The following SLC39A12 variants were observed in gnomAD, a reference collection of about 807,000 sequenced individuals.
The protein encoded by SLC39A12 is zinc transporter ZIP12.
SLC39A12 carries 63 observed loss-of-function variants against 71.1 expected under a neutral mutation model. The ratio of observed to expected loss-of-function variants is 0.89; its 90% confidence interval spans 0.72 to 1.09. SLC39A12 has a LOEUF of 1.09. SLC39A12 is among the 50% of genes least tolerant of loss of function. The pLI is 0.00. For missense variants in SLC39A12, 892 were observed against 812.6 expected (o/e 1.10, Z -1.19); for synonymous variants, 351 against 301.3 (o/e 1.16, Z -1.71).
intron 2 of SLC39A12, among the ~76,000 whole-genome samples, chr10:17,960,127 T>C (rs1466346406): frequency 2.0e-5 from 3 of 152,106 alleles, no homozygotes; most frequent in African/African-American, 7.2e-5. Context: ...AGATGGTAAA[T>C]TGTGGGAAAG....
intron 5 of SLC39A12, among the ~76,000 whole-genome samples, chr10:17,978,534 A>G (rs1298246121): frequency 6.6e-6 from 1 of 152,214 alleles, no homozygotes; most frequent in Non-Finnish European, 1.5e-5. Flanking sequence ...ACTGCAGGTG[A>G]CAAGAGTTGA....
At chr10:18,028,704 G>C (rs923958511) in intron 12 of SLC39A12, among the ~76,000 whole-genome samples, 16 of 152,154 alleles carry the variant, frequency 1.1e-4, no homozygotes, top group South Asian at 2.1e-4. Flanking sequence ...ATTGACTCAA[G>C]TTTAAAACAT....
At chr10:17,985,553 T>C (rs1239881194) in intron 6 of SLC39A12, among the ~76,000 whole-genome samples, 3 of 152,186 alleles carry the variant, frequency 2.0e-5, no homozygotes, top group African/African-American at 7.2e-5. Flanking sequence ...AAAGTGGTAG[T>C]TTAATTTCAT....
rs1250123971 is a variant in SLC39A12, at chr10:18,003,185, C to T, written c.1774C>T (p.Leu592Phe). ...TTAAACTTCAGGAGACTTTGCCGTG[C>T]TCTTAAGCTCTGGACTTTCTATGAA... ...IPHEMGDFAVLLSSGLSMKTA... is the reference protein window; with the variant it reads ...IPHEMGDFAVFLSSGLSMKTA... The change falls in exon 12 of 13, where the codon CTC becomes TTC. Residue 592 changes from leucine to phenylalanine, a missense_variant. Coordinates refer to ENST00000377369, the MANE Select transcript of SLC39A12 (RefSeq NM_001145195.2). 6 of 1,613,392 alleles carry T rather than the reference C, an allele frequency of 3.7e-6. No homozygotes were observed. The African/African-American group carries it at 6.7e-5, about 18-fold the overall frequency.
intron 12 of SLC39A12, among the ~76,000 whole-genome samples, chr10:18,030,259 CT>C (rs1836801291): frequency 6.6e-6 from 1 of 151,240 alleles, no homozygotes; most frequent in African/African-American, 2.4e-5. Context: ...CAAACTTAGT[CT>C]TTTCTTTCTT....
At chr10:17,973,820 T>G (rs1269814527) in intron 4 of SLC39A12, among the ~76,000 whole-genome samples, 1 of 151,826 alleles carries the variant, frequency 6.6e-6, no homozygotes, top group Non-Finnish European at 1.5e-5. Flanking sequence ...TTGAATAAAC[T>G]TTCTACCCCT....
At position 17,961,561 on chromosome 10, in the gene SLC39A12, GTTA is replaced by G; in HGVS notation, c.262-17_262-15del. 6.3e-7 allele frequency: 1 copy of G among 1,589,604 alleles called. No homozygotes were observed. The highest frequency in any genetic ancestry group is 1.4e-5 in the African/African-American group (1 of 73,328). ...GCTAAGCTTTGTTTCTTTTGTTGTT[GTTA>G]TTGTTTTCTTCCACAGTGCTTTGAA... On this transcript the variant is annotated splice_polypyrimidine_tract_variant and intron_variant, in intron 2 of 12. Coordinates refer to ENST00000377369, the MANE Select transcript of SLC39A12 (RefSeq NM_001145195.2).
At chr10:18,039,176 A>G (rs11012330) in intron 12 of SLC39A12, among the ~76,000 whole-genome samples, 19,320 of 152,238 alleles carry the variant, frequency 0.13, 2,220 homozygotes, top group African/African-American at 0.3. Context: ...TAATTCAGCC[A>G]TGTTTTACAA....
At chr10:17,991,091 A>C in intron 7 of SLC39A12, 60 bp from the exon 8 acceptor site, 1 of 1,470,258 alleles carries the variant, frequency 6.8e-7, no homozygotes. Context: ...TTAATAGTTA[A>C]GTCATCAAGA....
At chr10:17,980,854 T>A (rs762031873) in intron 5 of SLC39A12, among the ~76,000 whole-genome samples, 17 of 152,182 alleles carry the variant, frequency 1.1e-4, no homozygotes, top group Non-Finnish European at 2.4e-4. Flanking sequence ...CTTTTAAAAG[T>A]ACACGTTGCC....
intron 7 of SLC39A12, among the ~76,000 whole-genome samples, 191 bp downstream of exon 7, chr10:17,987,842 T>C (rs1297398364): frequency 6.6e-6 from 1 of 152,054 alleles, no homozygotes; most frequent in Admixed American, 6.5e-5. Flanking sequence ...GCCCCAACAT[T>C]AGGCTCGCCA....
chr10:17,985,626 G>A (rs1360081897), intron 6 of SLC39A12, among the ~76,000 whole-genome samples: 1 of 151,974 alleles, frequency 6.6e-6, no homozygotes, highest in Non-Finnish European at 1.5e-5. Context: ...TTCTAAATAG[G>A]TAGAGAAATA....
intron 4 of SLC39A12, among the ~76,000 whole-genome samples, chr10:17,967,839 T>A (rs2130788510): frequency 6.7e-6 from 1 of 149,972 alleles, no homozygotes; most frequent in South Asian, 2.1e-4. Flanking sequence ...GTGAGCTGAG[T>A]TCCCGCCACT....
At chr10:17,954,330 T>G (rs1337084776) in intron 2 of SLC39A12, among the ~76,000 whole-genome samples, 2 of 152,204 alleles carry the variant, frequency 1.3e-5, no homozygotes, top group African/African-American at 4.8e-5. Flanking sequence ...CTTGGTTCAC[T>G]GCAACCTCCA....
intron 1 of SLC39A12, among the ~76,000 whole-genome samples, chr10:17,952,599 T>A (rs1436709430): frequency 6.6e-6 from 1 of 151,800 alleles, no homozygotes; most frequent in Admixed American, 6.6e-5. Flanking sequence ...GCAATTCTTC[T>A]GCCTCAGCCT....
intron 7 of SLC39A12, among the ~76,000 whole-genome samples, chr10:17,988,237 G>T (rs766032089): frequency 2.0e-5 from 3 of 152,174 alleles, no homozygotes; most frequent in Non-Finnish European, 2.9e-5. Flanking sequence ...GAACTCGAGA[G>T]GCGAAGGTTG....
At chr10:18,035,218 T>A (rs1411506141) in intron 12 of SLC39A12, among the ~76,000 whole-genome samples, 1 of 147,914 alleles carries the variant, frequency 6.8e-6, no homozygotes, top group Non-Finnish European at 1.5e-5. Flanking sequence ...GGGGAAGTTC[T>A]CCTGGATAAT....
intron 12 of SLC39A12, among the ~76,000 whole-genome samples, chr10:18,035,818 G>A (rs1421321146): frequency 1.3e-5 from 2 of 152,218 alleles, no homozygotes; most frequent in Non-Finnish European, 1.5e-5. Context: ...ATGTACAGAT[G>A]GGTTTTCGGT....
At chr10:17,957,480 A>G (rs1554847898) in intron 2 of SLC39A12, among the ~76,000 whole-genome samples, 1 of 152,064 alleles carries the variant, frequency 6.6e-6, no homozygotes, top group Non-Finnish European at 1.5e-5. Context: ...ACCTGACAAG[A>G]TTAAAAGGAA....
Sources: gnomAD v4.1 joint callset for allele counts (sites outside exome capture counted in the v4.1 genomes callset) on GRCh38, gnomAD v4.1.1 for gene constraint, MANE v1.5 for transcripts, NCBI Gene and HGNC (gene_info 2026-07-23, HGNC 2026-07-21) for gene names.